UTP20: variants seen among roughly 807,000 people sequenced by gnomAD.
UTP20 encodes UTP20 small subunit processome component.
A neutral mutation model predicts 329.5 loss-of-function variants in UTP20; 164 were observed. The ratio of observed to expected loss-of-function variants is 0.50; its 90% confidence interval spans 0.44 to 0.57. The LOEUF is 0.57. UTP20 is among the 20% of genes least tolerant of loss of function. The pLI is 0.00. For missense variants in UTP20, 3,055 were observed against 3,284.2 expected, an observed-to-expected ratio of 0.93 and a Z score of 1.71; for synonymous variants, 1,151 against 1,159.3, an observed-to-expected ratio of 0.99 and a Z score of 0.14.
chr12:101,367,757 T>G (rs1870143462), intron 47 of UTP20, 103 bp from the exon 48 acceptor site: 2 of 719,354 alleles, frequency 2.8e-6, no homozygotes, highest in Non-Finnish European at 4.9e-6. Context: ...CTAATAGAAG[T>G]ATCTTAACAT....
chr12:101,336,192 T>A (rs1868928237), intron 29 of UTP20, among the ~76,000 whole-genome samples: 1 of 152,208 alleles, frequency 6.6e-6, no homozygotes, highest in Non-Finnish European at 1.5e-5. Flanking sequence ...AAGTGTTGAC[T>A]TCCCTTGGAA....
chr12:101,367,742 C>T (rs1870143009), intron 47 of UTP20, 118 bp from the exon 48 acceptor site: 3 of 682,338 alleles, frequency 4.4e-6, no homozygotes, highest in South Asian at 3.7e-5. Flanking sequence ...AATGTTTTAT[C>T]ATTTCTAATA....
At chr12:101,332,485 A>G (rs1868791948) in intron 27 of UTP20, among the ~76,000 whole-genome samples, 1 of 152,206 alleles carries the variant, frequency 6.6e-6, no homozygotes, top group Non-Finnish European at 1.5e-5. Flanking sequence ...TAGGGACTCA[A>G]TAAATTGTCC....
In UTP20 at chr12:101,320,951, A is replaced by G. The variant is rs1868358035; in HGVS notation, c.2915+14A>G. ...CCTCCCTTACAGGTAAGTTACTTGA[A>G]GCTTAAAGAACTGTTATTTCTTCAG... On this transcript the variant is annotated intron_variant, in intron 24 of 61. Transcript: ENST00000261637. 6.3e-7 allele frequency: 1 copy of G among 1,591,572 alleles called. No homozygotes were observed. The highest frequency in any genetic ancestry group is 8.5e-7 in the Non-Finnish European group (1 of 1,171,162).
rs753542550 is a variant in UTP20 at position 101,376,836 on chromosome 12, TG to T, written c.7396+1084del. Among the ~76,000 whole-genome samples the T allele has an allele frequency of 3.3e-5, 5 of 152,112 alleles. No homozygotes were observed. The East Asian group carries it at 7.7e-4, about 24-fold the overall frequency. The stretch of plus-strand genomic sequence containing the variant: ...GCTAATTTTTGTATTTTTGTAGAGA[TG>T]GGGTTTCACCATGTTGGCCAGGCTG... On this transcript the variant is annotated intron_variant, in intron 56 of 61. Transcript: ENST00000261637.
chr12:101,299,543 A>G (rs1488411353), intron 12 of UTP20, 139 bp from the exon 13 acceptor site: 4 of 704,536 alleles, frequency 5.7e-6, no homozygotes, highest in Non-Finnish European at 8.6e-6. Context: ...AATGACTCAC[A>G]TTTGTTTAGC....
intron 58 of UTP20, among the ~76,000 whole-genome samples, chr12:101,382,216 C>A (rs1870670493): frequency 6.6e-6 from 1 of 151,960 alleles, no homozygotes; most frequent in South Asian, 2.1e-4. Context: ...ACCAGCCTGG[C>A]CAACATGGCG....
rs1872650244 is a variant in UTP20 at position 101,306,740 on chromosome 12, C to G, written c.1974C>G (p.Val658=). 6.2e-7 allele frequency: 1 copy of G among 1,603,778 alleles called. No individual in the cohort carries two copies. The highest frequency in any genetic ancestry group is 8.5e-7 in the Non-Finnish European group (1 of 1,174,244). Residue 658 remains valine, a synonymous_variant, in exon 17 of 62, where the codon GTC becomes GTG. Transcript: ENST00000261637. Reference sequence around the variant, plus strand: ...TAAGGATCCTAAACCATTTTGATGTCCAGCTTCCAGAATCAATGGAGGTAT... The same window carrying G: ...TAAGGATCCTAAACCATTTTGATGTGCAGCTTCCAGAATCAATGGAGGTAT... ...LTIRILNHFD[V]QLPESMEDDG...
chr12:101,315,294 G>A (rs1039999348), intron 21 of UTP20, among the ~76,000 whole-genome samples: 2 of 151,998 alleles, frequency 1.3e-5, no homozygotes, highest in Non-Finnish European at 1.5e-5. Context: ...GATCAGCCTG[G>A]CCAATATGGT....
At chr12:101,379,968 C>T (rs1318807424) in intron 57 of UTP20, among the ~76,000 whole-genome samples, 4 of 151,996 alleles carry the variant, frequency 2.6e-5, no homozygotes, top group Non-Finnish European at 4.4e-5. Flanking sequence ...TACAGGCACA[C>T]GCCACCACAC....
At chr12:101,350,696 C>T (rs1869486829) in intron 38 of UTP20, among the ~76,000 whole-genome samples, 2 of 152,070 alleles carry the variant, frequency 1.3e-5, no homozygotes, top group Non-Finnish European at 2.9e-5. Flanking sequence ...TACCCAATGC[C>T]CTGTGTAGCA....
chr12:101,321,852 C>G (rs1868380240), intron 25 of UTP20, among the ~76,000 whole-genome samples: 3 of 147,786 alleles, frequency 2.0e-5, no homozygotes, highest in Non-Finnish European at 4.5e-5. Flanking sequence ...TCAAGTGATG[C>G]TCCCACCTTG....
At chr12:101,352,250 T>C in intron 39 of UTP20, 56 bp downstream of exon 39, 4 of 1,546,806 alleles carry the variant, frequency 2.6e-6, no homozygotes, top group Non-Finnish European at 3.5e-6. Context: ...TATGGCTGCA[T>C]AGTATTCCAT....
chr12:101,286,447 G>A lies in UTP20; in HGVS notation c.453G>A (p.Ser151=), dbSNP rs1290527449. Residue 151 remains serine, a synonymous_variant, in exon 5 of 62, where the codon TCG becomes TCA. Transcript: ENST00000261637. ...DTELLEWAFT[S]LSYLYKYLWR... is the part of the protein sequence containing the mutation. ...AGTTGTTAGAATGGGCTTTCACCTCGTTATCATATCTTTATAAGTACCTGT... is the reference window on the plus strand; with the variant it reads ...AGTTGTTAGAATGGGCTTTCACCTCATTATCATATCTTTATAAGTACCTGT... 1.1e-5 allele frequency: 18 copies of A among 1,613,832 alleles called. 1 individual carries two copies. Among genetic ancestry groups the A allele is most frequent in the Middle Eastern group, 1.6e-4 (1 of 6,062 alleles).
intron 55 of UTP20, among the ~76,000 whole-genome samples, 173 bp from the exon 56 acceptor site, chr12:101,375,451 G>A (rs536602985): frequency 1.3e-5 from 2 of 152,246 alleles, no homozygotes; most frequent in South Asian, 4.2e-4. Context: ...AGGGATGCTG[G>A]TAACATCCTA....
chr12:101,300,218 C>G (rs1593422718), intron 14 of UTP20, among the ~76,000 whole-genome samples, 157 bp downstream of exon 14: 1 of 152,208 alleles, frequency 6.6e-6, no homozygotes, highest in African/African-American at 2.4e-5. Flanking sequence ...ATGGGCATGT[C>G]TCACTTGTAC....
chr12:101,310,347 AG>A (rs909779493), intron 19 of UTP20, among the ~76,000 whole-genome samples: 5 of 151,952 alleles, frequency 3.3e-5, no homozygotes, highest in Admixed American at 2.6e-4. Context: ...CGGCTGAGGC[AG>A]GTGGATCACC....
At chr12:101,361,628 AAAATAAATAAATAAATAAATAAAT>A (rs60016529) in intron 43 of UTP20, among the ~76,000 whole-genome samples, 117 of 139,154 alleles carry the variant, frequency 8.4e-4, no homozygotes, top group African/African-American at 2.6e-3. Flanking sequence ...CTCTGTCTCA[AAAATAAATAAATAAATAAATAAAT>A]AAATAAATAA....
At position 101,367,916 on chromosome 12, in the gene UTP20, G is replaced by A; in HGVS notation, c.6324G>A (p.Leu2108=). The A allele has an allele frequency of 1.9e-6, 3 of 1,613,816 alleles. No individual in the cohort carries two copies. The highest frequency in any genetic ancestry group is 1.3e-5 in the African/African-American group (1 of 75,026). Residue 2108 remains leucine (L), a synonymous_variant, in exon 48 of 62, where the codon CTG becomes CTA. Transcript: ENST00000261637. ...SKIKSSGECV[L]EMLDPFVSLL... is the part of the protein sequence containing the mutation. ...TCAAGTCTTCAGGTGAATGTGTCCT[G>A]GAAATGCTGGATCCTTTTGTGTCTC...
Sources: gnomAD v4.1 joint callset for allele counts (sites outside exome capture counted in the v4.1 genomes callset) on GRCh38, gnomAD v4.1.1 for gene constraint, MANE v1.5 for transcripts, NCBI Gene and HGNC (gene_info 2026-07-23, HGNC 2026-07-21) for gene names.